SLC16A7: variants seen among roughly 807,000 people sequenced by gnomAD.
The protein encoded by SLC16A7 is monocarboxylate transporter 2.
In SLC16A7, 33 loss-of-function variants were observed where a neutral mutation model predicts 34.9. That is an observed-to-expected ratio of 0.94 (90% CI 0.72 to 1.26). The LOEUF (loss-of-function observed/expected upper bound fraction) is 1.26, where lower values mean the gene tolerates loss of function less well. Among genes scored for constraint, SLC16A7 ranks in the 50% most tolerant of loss-of-function variants. The probability of loss-of-function intolerance (pLI) is 0.00; values close to 1 mark genes in which losing one functional copy is unlikely to be tolerated. For synonymous variants in SLC16A7, 201 were observed against 206.6 expected (o/e 0.97, Z 0.23); for missense variants, 573 against 578.1 (o/e 0.99, Z 0.09).
chr12:59,677,584 C>A (rs1870409319), intron 2 of SLC16A7, among the ~76,000 whole-genome samples: 1 of 152,130 alleles, frequency 6.6e-6, no homozygotes, highest in Admixed American at 6.5e-5. Context: ...TAATTGCTCT[C>A]AAATCTTCCC....
chr12:59,693,950 C>T (rs1227638163), intron 2 of SLC16A7, among the ~76,000 whole-genome samples: 1 of 151,814 alleles, frequency 6.6e-6, no homozygotes, highest in Non-Finnish European at 1.5e-5. Context: ...ATCCTTTATG[C>T]CCTCATCTAT....
intron 1 of SLC16A7, among the ~76,000 whole-genome samples, chr12:59,612,528 T>C (rs1443329212): frequency 6.6e-6 from 1 of 152,220 alleles, no homozygotes; most frequent in East Asian, 1.9e-4. Flanking sequence ...GTCTTGGTGA[T>C]TAACATTTGG....
intron 1 of SLC16A7, among the ~76,000 whole-genome samples, chr12:59,647,805 G>A (rs140422763): frequency 0.011 from 1,654 of 152,182 alleles, 40 homozygotes; most frequent in African/African-American, 0.039. Flanking sequence ...CACTTTGGGA[G>A]GTCTAGTTGG....
chr12:59,599,066 T>C (rs569707630), intron 1 of SLC16A7, among the ~76,000 whole-genome samples: 1 of 151,438 alleles, frequency 6.6e-6, no homozygotes, highest in East Asian at 2.0e-4. Flanking sequence ...CTTTAACCAC[T>C]GTGTCATATA....
At chr12:59,656,335 A>G (rs1220608386) in intron 2 of SLC16A7, among the ~76,000 whole-genome samples, 1 of 152,000 alleles carries the variant, frequency 6.6e-6, no homozygotes, top group Non-Finnish European at 1.5e-5. Flanking sequence ...TGACTTTGAA[A>G]TTATCCTTGA....
intron 1 of SLC16A7, among the ~76,000 whole-genome samples, chr12:59,653,491 AAGTT>A (rs1432368574): frequency 1.3e-5 from 2 of 151,648 alleles, no homozygotes; most frequent in African/African-American, 4.8e-5. Flanking sequence ...CTGAATCAGA[AAGTT>A]AGAGTAAGAT....
At chr12:59,771,479 G>T in intron 4 of SLC16A7, 117 bp downstream of exon 4, 1 of 718,394 alleles carries the variant, frequency 1.4e-6, no homozygotes, top group Non-Finnish European at 2.1e-6. Context: ...TATAAACAAT[G>T]CAGTTTTAAA....
At chr12:59,752,566 A>G (rs1171499835) in intron 3 of SLC16A7, among the ~76,000 whole-genome samples, 3 of 151,906 alleles carry the variant, frequency 2.0e-5, no homozygotes, top group Non-Finnish European at 2.9e-5. Context: ...AAAAGAATAA[A>G]AAGAAAGGAG....
chr12:59,678,557 G>A (rs1459159860), intron 2 of SLC16A7, among the ~76,000 whole-genome samples: 1 of 152,150 alleles, frequency 6.6e-6, no homozygotes, highest in African/African-American at 2.4e-5. Flanking sequence ...ACGCAGGCAG[G>A]TTGTCCCATC....
intron 3 of SLC16A7, among the ~76,000 whole-genome samples, chr12:59,751,659 T>G (rs1328588499): frequency 6.6e-6 from 1 of 152,214 alleles, no homozygotes; most frequent in Non-Finnish European, 1.5e-5. Context: ...CTCTGTAGGC[T>G]CCACCTCTGG....
In SLC16A7 at chr12:59,617,574, A is replaced by G. The variant is rs370581966; in HGVS notation, c.-130+21338A>G. 4.6e-4 allele frequency among the ~76,000 whole-genome samples: 70 copies of G among 152,112 alleles called. 6 individuals carry two copies. The South Asian group carries it at 7.2e-3, about 16-fold the overall frequency. On this transcript the variant is annotated intron_variant, in intron 1 of 5. Coordinates refer to ENST00000547379, the MANE Select transcript of SLC16A7 (RefSeq NM_001270623.2). ...TTATTCTCACAGTTCTAAACATGTG[A>G]CCTGATCTCAGGTGATTTACAATGC...
chr12:59,696,676 G>T (rs960148050), intron 2 of SLC16A7, among the ~76,000 whole-genome samples: 2 of 152,026 alleles, frequency 1.3e-5, no homozygotes, highest in African/African-American at 4.8e-5. Context: ...TGTATGACTT[G>T]AATCTTGACA....
intron 1 of SLC16A7, among the ~76,000 whole-genome samples, chr12:59,653,551 TATA>T (rs910271021): frequency 4.4e-4 from 67 of 151,786 alleles, no homozygotes; most frequent in Admixed American, 6.6e-4. Context: ...GTTATTGTGG[TATA>T]ATAATACCAG....
intron 1 of SLC16A7, among the ~76,000 whole-genome samples, chr12:59,608,780 T>C (rs1879058707): frequency 6.6e-6 from 1 of 152,212 alleles, no homozygotes; most frequent in African/African-American, 2.4e-5. Flanking sequence ...ATAACACAAA[T>C]TTGTTACTCT....
chr12:59,744,958 C>T (rs542597329), intron 3 of SLC16A7, among the ~76,000 whole-genome samples: 2 of 152,236 alleles, frequency 1.3e-5, no homozygotes, highest in South Asian at 2.1e-4. Context: ...TACTCTAGAT[C>T]CCCCCATCAA....
intron 1 of SLC16A7, among the ~76,000 whole-genome samples, chr12:59,624,735 TA>T (rs1879846032): frequency 6.9e-6 from 1 of 145,912 alleles, no homozygotes; most frequent in Non-Finnish European, 1.5e-5. Context: ...TTTGCATTGT[TA>T]GTTGTGTGTG....
chr12:59,601,597 T>A (rs1878687156), intron 1 of SLC16A7, among the ~76,000 whole-genome samples: 1 of 152,182 alleles, frequency 6.6e-6, no homozygotes, highest in South Asian at 2.1e-4. Flanking sequence ...GAGCATTGGG[T>A]GTCTGTGACC....
chr12:59,704,844 G>C lies in SLC16A7; in HGVS notation c.43G>C (p.Asp15His), dbSNP rs1484334525. 7 of 1,613,840 alleles carry C rather than the reference G, an allele frequency of 4.3e-6. No homozygotes were observed. The highest frequency in any genetic ancestry group is 5.9e-6 in the Non-Finnish European group (7 of 1,179,816). ...PSAPPVHPPPDGGWGWIVVGA... is the reference protein window; with the variant it reads ...PSAPPVHPPPHGGWGWIVVGA... ...TGCCCCACCTGTGCATCCACCTCCAGATGGAGGATGGGGTTGGATTGTGGT... is the reference window on the plus strand; with the variant it reads ...TGCCCCACCTGTGCATCCACCTCCACATGGAGGATGGGGTTGGATTGTGGT... The change falls in exon 3 of 6, where the codon GAT becomes CAT. Residue 15 changes from aspartate (D) to histidine (H), a missense_variant. Transcript: ENST00000547379.
At chr12:59,645,732 C>T (rs961728165) in intron 1 of SLC16A7, among the ~76,000 whole-genome samples, 1 of 152,012 alleles carries the variant, frequency 6.6e-6, no homozygotes, top group African/African-American at 2.4e-5. Flanking sequence ...GGGTAACAGG[C>T]TGAGGTTGGA....
Sources: allele counts gnomAD v4.1 joint callset (sites outside exome capture counted in the v4.1 genomes callset), GRCh38; gene constraint gnomAD v4.1.1; transcripts MANE v1.5; gene names NCBI Gene and HGNC (gene_info 2026-07-23, HGNC 2026-07-21).